SEPTIN7: variants seen among roughly 807,000 people sequenced by gnomAD.
SEPTIN7 encodes septin-7.
Under a neutral mutation model 63.3 loss-of-function variants are expected in SEPTIN7, and 10 were observed. The ratio of observed to expected loss-of-function variants is 0.16; its 90% CI spans 0.10 to 0.27. The LOEUF (loss-of-function observed/expected upper bound fraction) is 0.27, where lower values mean the gene tolerates loss of function less well. Among genes scored for constraint, SEPTIN7 ranks in the 10% least tolerant of loss-of-function variants. The probability of loss-of-function intolerance (pLI) is 1.00; values close to 1 mark genes in which losing one functional copy is unlikely to be tolerated. For synonymous variants in SEPTIN7, 131 were observed against 165.3 expected (o/e 0.79, Z 1.59); for missense variants, 310 against 521.0 (o/e 0.59, Z 3.94).
intron 8 of SEPTIN7, 137 bp from the exon 9 acceptor site, chr7:35,883,754 A>C: frequency 2.0e-6 from 1 of 504,246 alleles, no homozygotes; most frequent in Non-Finnish European, 3.5e-6. Context: ...TAAATGGCCT[A>C]TAAAAACTAA....
At chr7:35,883,640 C>T (rs1562575473) in intron 8 of SEPTIN7, among the ~76,000 whole-genome samples, 1 of 150,108 alleles carries the variant, frequency 6.7e-6, no homozygotes, top group Non-Finnish European at 1.5e-5. Context: ...AATAATTTGA[C>T]CAGTATATGC....
intron 3 of SEPTIN7, among the ~76,000 whole-genome samples, chr7:35,834,496 C>G (rs1389892107): frequency 6.6e-6 from 1 of 151,924 alleles, no homozygotes; most frequent in African/African-American, 2.4e-5. Context: ...TTGTGAAATG[C>G]AGCTTTTCTT....
intron 3 of SEPTIN7, among the ~76,000 whole-genome samples, chr7:35,853,962 A>G (rs1399294478): frequency 3.3e-5 from 5 of 152,174 alleles, no homozygotes; most frequent in Admixed American, 2.0e-4. Flanking sequence ...TCACCTTAAA[A>G]TGGTATTGAT....
chr7:35,876,391 A>G (rs1786473269), intron 6 of SEPTIN7, among the ~76,000 whole-genome samples: 2 of 152,312 alleles, frequency 1.3e-5, no homozygotes, highest in South Asian at 4.1e-4. Flanking sequence ...TAACAGCTTA[A>G]TAAGGTAGTG....
chr7:35,901,891 T>A (rs1254272483), intron 12 of SEPTIN7: 1 of 152,152 alleles, frequency 6.6e-6, no homozygotes, highest in Non-Finnish European at 1.5e-5. Flanking sequence ...CAGGAAGATA[T>A]CACCTCAGAT....
intron 6 of SEPTIN7, among the ~76,000 whole-genome samples, chr7:35,878,760 A>G (rs1786636728): frequency 6.6e-6 from 1 of 152,156 alleles, no homozygotes; most frequent in African/African-American, 2.4e-5. Flanking sequence ...CCATTCACTG[A>G]GATAGGAAGC....
At chr7:35,823,932 T>C (rs1783370132) in intron 1 of SEPTIN7, among the ~76,000 whole-genome samples, 1 of 152,254 alleles carries the variant, frequency 6.6e-6, no homozygotes, top group African/African-American at 2.4e-5. Flanking sequence ...ATTCCATAAA[T>C]GTTATCTGTG....
In SEPTIN7 at chr7:35,906,328, T is replaced by TA. The variant is rs1335890873; in HGVS notation, c.*2037dup. The TA allele has an allele frequency of 6.6e-6, 1 of 152,250 alleles. No individual in the cohort carries two copies. Among genetic ancestry groups the TA allele is most frequent in the African/African-American group, 2.4e-5 (1 of 41,468 alleles). 9.4% of individuals were successfully genotyped at this position (152,250 alleles called of 1,614,324 possible). On this transcript the variant is annotated 3_prime_UTR_variant, in exon 14 of 14. Coordinates refer to ENST00000350320, the MANE Select transcript of SEPTIN7 (RefSeq NM_001788.6). ...ACCTGAATCTGATACAGGATCTATATAACTTTACTAGGACTTTTGATTGTT... is the reference window on the plus strand; with the variant it reads ...ACCTGAATCTGATACAGGATCTATATAAACTTTACTAGGACTTTTGATTGTT...
At chr7:35,842,020 C>G (rs1784431651) in intron 3 of SEPTIN7, among the ~76,000 whole-genome samples, 1 of 152,144 alleles carries the variant, frequency 6.6e-6, no homozygotes, top group Non-Finnish European at 1.5e-5. Context: ...TGACTACAGT[C>G]TAGCACCAAA....
intron 7 of SEPTIN7, among the ~76,000 whole-genome samples, chr7:35,881,155 C>A (rs1033094048): frequency 2.0e-5 from 3 of 151,654 alleles, no homozygotes; most frequent in Non-Finnish European, 4.4e-5. Flanking sequence ...TAAATTCATA[C>A]TAATTTTCAG....
intron 10 of SEPTIN7, chr7:35,890,461 T>C (rs2116330660): frequency 3.2e-6 from 1 of 308,134 alleles, no homozygotes; most frequent in Non-Finnish European, 5.8e-6. Flanking sequence ...GAATCTAAAT[T>C]TGGTGTCAAG....
chr7:35,856,092 A>G (rs1394846802), intron 3 of SEPTIN7, among the ~76,000 whole-genome samples: 4 of 152,232 alleles, frequency 2.6e-5, no homozygotes, highest in Admixed American at 6.5e-5. Context: ...AATGTGTACC[A>G]GGCACTGTGC....
In SEPTIN7 at chr7:35,900,464, ATAAT is replaced by A. The variant is rs767377871; in HGVS notation, c.1134+2085_1134+2088del. Reference sequence around the variant, plus strand: ...GCTATTGCTGTTGTATTATAAATGAATAATTAAAGTTCTTAACATGACATTTTGG... The same window carrying A: ...GCTATTGCTGTTGTATTATAAATGAATAAAGTTCTTAACATGACATTTTGG... On this transcript the variant is annotated intron_variant, in intron 12 of 13. Coordinates refer to ENST00000350320, the MANE Select transcript of SEPTIN7 (RefSeq NM_001788.6). The A allele has an allele frequency of 1.2e-4, 19 of 152,324 alleles. No individual in the cohort carries two copies. In the East Asian group the frequency reaches 3.3e-3, roughly 26 times the overall value. The allele number at this position is 152,324 out of a possible 1,614,324, so 9.4% of individuals were successfully genotyped here. A position where few individuals can be genotyped will look rare whatever the true frequency, so the allele number is the denominator to read the frequency against.
rs770018712 is a variant in SEPTIN7 at position 35,872,589 on chromosome 7, C to T, written c.277-77C>T. 2.9e-4 allele frequency: 307 copies of T among 1,072,000 alleles called. 1 individual carries two copies. The highest frequency in any genetic ancestry group is 8.4e-5 in the Non-Finnish European group (59 of 703,052). The allele number at this position is 1,072,000 out of a possible 1,614,324, so 66.4% of individuals were successfully genotyped here. ...CCCAGTTGGTTTTGATAAACTCGAA[C>T]GTCCCTACCATCACCCCTTGTAGGA... On this transcript the variant is annotated intron_variant, in intron 4 of 13. Coordinates refer to ENST00000350320, the MANE Select transcript of SEPTIN7 (RefSeq NM_001788.6).
At chr7:35,868,750 G>A (rs1355625198) in intron 4 of SEPTIN7, among the ~76,000 whole-genome samples, 1 of 152,160 alleles carries the variant, frequency 6.6e-6, no homozygotes, top group Admixed American at 6.5e-5. Flanking sequence ...CGATAGAGGG[G>A]AAATAGTGTA....
chr7:35,887,252 A>G (rs554883206), intron 10 of SEPTIN7, among the ~76,000 whole-genome samples: 3 of 152,374 alleles, frequency 2.0e-5, no homozygotes, highest in Admixed American at 1.3e-4. Flanking sequence ...TGCTTGACAC[A>G]ATGGCATTCT....
At position 35,883,409 on chromosome 7, in the gene SEPTIN7, G is replaced by T. The variant is rs535099485; in HGVS notation, c.724-482G>T. 1.1e-4 allele frequency among the ~76,000 whole-genome samples: 16 copies of T among 152,240 alleles called. No homozygotes were observed. The South Asian group carries it at 2.7e-3, about 26-fold the overall frequency. On this transcript the variant is annotated intron_variant, in intron 8 of 13. Transcript: ENST00000350320. ...GGGAGCCACAGAATTGTGAAGGGCTGAACATGGATGAACACAAATCCAGTC... is the reference window on the plus strand; with the variant it reads ...GGGAGCCACAGAATTGTGAAGGGCTTAACATGGATGAACACAAATCCAGTC...
chr7:35,848,421 C>G (rs1784798058), intron 3 of SEPTIN7, among the ~76,000 whole-genome samples: 1 of 152,068 alleles, frequency 6.6e-6, no homozygotes, highest in African/African-American at 2.4e-5. Flanking sequence ...GCGCCCACCA[C>G]CATGCCCAGC....
chr7:35,888,022 A>G (rs760126111), intron 10 of SEPTIN7, among the ~76,000 whole-genome samples: 1 of 152,214 alleles, frequency 6.6e-6, no homozygotes, highest in African/African-American at 2.4e-5. Context: ...TAAGAGAACT[A>G]ACTTACTCCA....
Sources: allele counts gnomAD v4.1 joint callset (sites outside exome capture counted in the v4.1 genomes callset), GRCh38; gene constraint gnomAD v4.1.1; transcripts MANE v1.5; gene names NCBI Gene and HGNC (gene_info 2026-07-23, HGNC 2026-07-21).